Variants in LRRTM3 observed in about 807,000 individuals in gnomAD.
LRRTM3 encodes leucine-rich repeat transmembrane neuronal protein 3.
A neutral mutation model predicts 44.7 loss-of-function variants in LRRTM3; 24 were observed. The observed-to-expected ratio is 0.54, with a 90% CI of 0.39 to 0.76. LRRTM3 has a LOEUF of 0.76. Ranked by LOEUF, LRRTM3 falls within the 30% of genes least tolerant of loss-of-function variation. LRRTM3 has a pLI of 0.00. For missense variants in LRRTM3, 587 were observed against 702.2 expected, an observed-to-expected ratio of 0.84 and a Z score of 1.85; for synonymous variants, 277 against 278.7, an observed-to-expected ratio of 0.99 and a Z score of 0.06.
chr10:67,002,731 A>G (rs765921605), intron 2 of LRRTM3, among the ~76,000 whole-genome samples: 6 of 150,238 alleles, frequency 4.0e-5, no homozygotes, highest in Non-Finnish European at 8.9e-5. Flanking sequence ...ACCAAGCAGA[A>G]TTTTTTTTTT....
intron 2 of LRRTM3, among the ~76,000 whole-genome samples, chr10:67,036,474 G>GCCAA (rs1210134495): frequency 2.6e-5 from 4 of 152,140 alleles, no homozygotes; most frequent in African/African-American, 9.6e-5. Flanking sequence ...GATCAGCCTG[G>GCCAA]CCAACATGGT....
At chr10:66,967,762 ATC>A (rs1433685959) in intron 2 of LRRTM3, among the ~76,000 whole-genome samples, 1 of 152,116 alleles carries the variant, frequency 6.6e-6, no homozygotes, top group Non-Finnish European at 1.5e-5. Flanking sequence ...GAGAAAAATA[ATC>A]TGTTTAGTAG....
chr10:66,969,885 T>C (rs976655543), intron 2 of LRRTM3, among the ~76,000 whole-genome samples: 1 of 152,088 alleles, frequency 6.6e-6, no homozygotes, highest in Non-Finnish European at 1.5e-5. Flanking sequence ...GTAACTCCTA[T>C]CAGAAACATC....
chr10:67,027,151 AG>A (rs1853439812), intron 2 of LRRTM3, among the ~76,000 whole-genome samples: 3 of 152,174 alleles, frequency 2.0e-5, no homozygotes, highest in Admixed American at 1.3e-4. Context: ...GTGCCCAATA[AG>A]GTGAGAAGAC....
At chr10:67,089,126 A>G (rs1857481143) in intron 2 of LRRTM3, among the ~76,000 whole-genome samples, 1 of 151,972 alleles carries the variant, frequency 6.6e-6, no homozygotes, top group South Asian at 2.1e-4. Flanking sequence ...GACCCCCCAT[A>G]GGTTTTGCTA....
chr10:67,076,371 G>A (rs1473428797), intron 2 of LRRTM3, among the ~76,000 whole-genome samples: 1 of 152,172 alleles, frequency 6.6e-6, no homozygotes, highest in Non-Finnish European at 1.5e-5. Context: ...CTTGTTCAAG[G>A]TCACTTTGCT....
At chr10:66,984,152 CAA>C (rs5785810) in intron 2 of LRRTM3, among the ~76,000 whole-genome samples, 5 of 151,734 alleles carry the variant, frequency 3.3e-5, no homozygotes, top group Non-Finnish European at 7.4e-5. Flanking sequence ...CATCCGCTAC[CAA>C]AAAAAACACT....
chr10:66,998,630 G>A (rs538221528), intron 2 of LRRTM3, among the ~76,000 whole-genome samples: 3 of 152,116 alleles, frequency 2.0e-5, no homozygotes, highest in South Asian at 2.1e-4. Context: ...AAGTTTCTAT[G>A]GAACAATAAA....
intron 2 of LRRTM3, among the ~76,000 whole-genome samples, chr10:67,020,937 G>A (rs1005920006): frequency 3.3e-5 from 5 of 152,152 alleles, no homozygotes; most frequent in Non-Finnish European, 4.4e-5. Flanking sequence ...ACACTACCCG[G>A]AAGATAGTGT....
In LRRTM3 at chr10:67,098,049, T is replaced by C. The variant is rs1328444337; in HGVS notation, c.*253T>C. 6.7e-6 allele frequency: 3 copies of C among 450,748 alleles called. No individual in the cohort carries two copies. The East Asian group carries it at 1.2e-4, about 18-fold the overall frequency. 27.9% of individuals were successfully genotyped at this position (450,748 alleles called of 1,614,324 possible). ...TATGACCCTGAAAAATAAAAGAATC[T>C]TTTTTTTTCAAAACTCATCCTACCT... On this transcript the variant is annotated 3_prime_UTR_variant, in exon 3 of 3. Coordinates refer to ENST00000361320, the MANE Select transcript of LRRTM3 (RefSeq NM_178011.5).
chr10:66,954,488 G>A (rs533554163), intron 2 of LRRTM3, among the ~76,000 whole-genome samples: 23 of 152,206 alleles, frequency 1.5e-4, no homozygotes, highest in East Asian at 5.8e-4. Context: ...GCACTACACG[G>A]TCCCGCAATG....
chr10:66,931,549 A>T (rs1369294679), intron 2 of LRRTM3, among the ~76,000 whole-genome samples: 1 of 152,148 alleles, frequency 6.6e-6, no homozygotes, highest in East Asian at 1.9e-4. Flanking sequence ...AGCAGCAGTG[A>T]CCTCTAGTGT....
intron 2 of LRRTM3, chr10:67,052,690 A>G (rs1855184681): frequency 6.6e-6 from 1 of 152,192 alleles, no homozygotes; most frequent in Non-Finnish European, 1.5e-5. Context: ...GAAGATGCTA[A>G]CAACTAAATG....
intron 2 of LRRTM3, among the ~76,000 whole-genome samples, chr10:66,941,470 TA>T (rs1847989927): frequency 6.6e-6 from 1 of 152,182 alleles, no homozygotes; most frequent in African/African-American, 2.4e-5. Context: ...ATCTTAAGGT[TA>T]GAGTCCACTT....
chr10:66,981,905 CAA>C lies in LRRTM3; in HGVS notation c.1536+53455_1536+53456del, dbSNP rs1409045987. On this transcript the variant is annotated intron_variant, in intron 2 of 2. Transcript: ENST00000361320. ...TGCTCCCAAAGTTGCATCAAAAGAA[CAA>C]AGAGAAAATGAAATCCACAGGAAGC... Among the ~76,000 whole-genome samples the C allele has an allele frequency of 2.0e-5, 3 of 152,208 alleles. No individual in the cohort carries two copies. The East Asian group carries it at 5.8e-4, about 29-fold the overall frequency.
intron 2 of LRRTM3, among the ~76,000 whole-genome samples, chr10:66,929,549 T>C (rs1437396451): frequency 6.6e-6 from 1 of 152,158 alleles, no homozygotes; most frequent in Non-Finnish European, 1.5e-5. Context: ...AGACGTGCCT[T>C]CCACCCACAG....
chr10:66,969,136 T>C (rs1254314039), intron 2 of LRRTM3, among the ~76,000 whole-genome samples: 1 of 152,068 alleles, frequency 6.6e-6, no homozygotes, highest in Non-Finnish European at 1.5e-5. Flanking sequence ...AATATACTCA[T>C]TGCAGAATAT....
intron 2 of LRRTM3, among the ~76,000 whole-genome samples, chr10:66,958,707 T>G (rs552322430): frequency 6.6e-6 from 1 of 152,156 alleles, no homozygotes; most frequent in African/African-American, 2.4e-5. Flanking sequence ...AGAGCCAAAT[T>G]TGACAAAGGA....
chr10:67,066,327 G>C (rs1856080981), intron 2 of LRRTM3, among the ~76,000 whole-genome samples: 2 of 151,212 alleles, frequency 1.3e-5, no homozygotes, highest in African/African-American at 2.4e-5. Context: ...CAAGTAACTG[G>C]GACTACAGGT....
Sources: gnomAD v4.1 joint callset for allele counts (sites outside exome capture counted in the v4.1 genomes callset) on GRCh38, gnomAD v4.1.1 for gene constraint, MANE v1.5 for transcripts, NCBI Gene and HGNC (gene_info 2026-07-23, HGNC 2026-07-21) for gene names.